The following ZFAT variants were observed in gnomAD, a reference collection of about 807,000 sequenced individuals.
The protein encoded by ZFAT is zinc finger protein ZFAT.
ZFAT carries 64 observed loss-of-function variants against 117.7 expected under a neutral mutation model. That is an observed-to-expected ratio of 0.54 (90% confidence interval 0.44 to 0.67). The LOEUF (loss-of-function observed/expected upper bound fraction) is 0.67, where lower values mean the gene tolerates loss of function less well. Ranked by LOEUF, ZFAT falls within the 30% of genes least tolerant of loss-of-function variation. The probability of loss-of-function intolerance (pLI) is 0.00; values close to 1 mark genes in which losing one functional copy is unlikely to be tolerated. For missense variants in ZFAT, 1,433 were observed against 1,584.5 expected, an observed-to-expected ratio of 0.90 and a Z score of 1.62; for synonymous variants, 679 against 615.0, an observed-to-expected ratio of 1.10 and a Z score of -1.54.
chr8:134,743,812 C>T, the ZFAT span, among the ~76,000 whole-genome samples: 20 of 152,304 alleles, frequency 1.3e-4, 3 homozygotes, highest in Admixed American at 1.1e-3. Flanking sequence ...ACTTATCCAC[C>T]TTTTCCTACT....
chr8:134,628,801 G>A (rs1313224018), intron 3 of ZFAT, among the ~76,000 whole-genome samples: 2 of 152,106 alleles, frequency 1.3e-5, no homozygotes, highest in Non-Finnish European at 1.5e-5. Context: ...CATGAAATGG[G>A]AATAAAAACA....
At chr8:134,725,393 TG>T in the ZFAT span, among the ~76,000 whole-genome samples, 1 of 152,146 alleles carries the variant, frequency 6.6e-6, no homozygotes, top group Non-Finnish European at 1.5e-5. Context: ...GCTCAGCTTC[TG>T]GGGAAGCCTC....
Position 134,657,743 on chromosome 8 carries a change from A to C in ZFAT, c.20-6T>G, listed in dbSNP as rs1477978238. 6.2e-7 allele frequency: 1 copy of C among 1,607,110 alleles called. No homozygotes were observed. The highest frequency in any genetic ancestry group is 1.1e-5 in the South Asian group (1 of 89,710). ...CATAAAGATGGCCGTGTTTTCTGTA[A>C]GGAAAAAAAAGGAAAATATGTTATT... On this transcript the variant is annotated splice_polypyrimidine_tract_variant and splice_region_variant and intron_variant, in intron 1 of 15. Transcript: ENST00000377838.
intron 15 of ZFAT, among the ~76,000 whole-genome samples, chr8:134,494,574 C>A (rs1210995449): frequency 6.6e-6 from 1 of 152,146 alleles, no homozygotes; most frequent in African/African-American, 2.4e-5. Flanking sequence ...CCTGAAGCCT[C>A]CACGGAACCC....
At chr8:134,671,075 G>A (rs6991571) in intron 1 of ZFAT, among the ~76,000 whole-genome samples, 1 of 151,662 alleles carries the variant, frequency 6.6e-6, no homozygotes, top group Non-Finnish European at 1.5e-5. Context: ...TCTCTGAATA[G>A]ACCAATAACA....
chr8:134,554,813 A>G (rs1049050569), intron 11 of ZFAT, among the ~76,000 whole-genome samples: 9 of 152,226 alleles, frequency 5.9e-5, no homozygotes, highest in Non-Finnish European at 1.2e-4. Context: ...GATTTCTGGA[A>G]TCTCACTGGT....
At chr8:134,809,913 T>C in the ZFAT span, among the ~76,000 whole-genome samples, 1 of 152,198 alleles carries the variant, frequency 6.6e-6, no homozygotes, top group Non-Finnish European at 1.5e-5. Context: ...CTCAAAGACC[T>C]AGGTCATAAA....
chr8:134,507,595 G>A (rs1358431791), intron 15 of ZFAT, among the ~76,000 whole-genome samples: 1 of 152,216 alleles, frequency 6.6e-6, no homozygotes, highest in African/African-American at 2.4e-5. Context: ...TTAGCTTGTC[G>A]ACACTGGTCG....
Position 134,602,031 on chromosome 8 carries a change from G to A in ZFAT, c.1688C>T (p.Ala563Val), listed in dbSNP as rs1018076008. 7 of 1,611,998 alleles carry A rather than the reference G, an allele frequency of 4.3e-6. No individual in the cohort carries two copies. The Admixed American group carries it at 5.0e-5, about 12-fold the overall frequency. The change falls in exon 6 of 16, where the codon GCC becomes GTC. Residue 563 changes from alanine (A) to valine (V), a missense_variant. By Grantham distance (64) the Ala-to-Val change is moderately conservative (BLOSUM62 0). Transcript: ENST00000377838. ...GGCTGTGCTTTCGGCCTGCGGGGAGGCCAGGTGCACAGCTGGGGCAGGCAT... is the reference window on the plus strand; with the variant it reads ...GGCTGTGCTTTCGGCCTGCGGGGAGACCAGGTGCACAGCTGGGGCAGGCAT... Reference protein sequence around the residue: ...GEMPAPAVHLASPQAESTALP... With the variant: ...GEMPAPAVHLVSPQAESTALP...
intron 10 of ZFAT, among the ~76,000 whole-genome samples, chr8:134,566,904 A>C (rs1420946952): frequency 2.6e-5 from 4 of 152,152 alleles, no homozygotes; most frequent in Non-Finnish European, 5.9e-5. Context: ...CTCTCTATTC[A>C]TTCTGAGTAC....
chr8:134,561,664 A>G (rs912103955), intron 11 of ZFAT, among the ~76,000 whole-genome samples: 5 of 152,228 alleles, frequency 3.3e-5, no homozygotes, highest in African/African-American at 1.2e-4. Context: ...TAAATTGTAC[A>G]TCTACATCTA....
intron 7 of ZFAT, among the ~76,000 whole-genome samples, chr8:134,590,658 CCAA>C (rs1180512859): frequency 1.3e-5 from 2 of 148,528 alleles, no homozygotes; most frequent in South Asian, 2.2e-4. Flanking sequence ...ACCACCACCA[CCAA>C]CACCACCACA....
chr8:134,499,748 G>A (rs927102466), intron 15 of ZFAT, among the ~76,000 whole-genome samples: 6 of 152,232 alleles, frequency 3.9e-5, no homozygotes, highest in Non-Finnish European at 8.8e-5. Flanking sequence ...GGGGGACTAC[G>A]TTTTGAGTAG....
At chr8:134,736,808 A>C in the ZFAT span, among the ~76,000 whole-genome samples, 2 of 151,866 alleles carry the variant, frequency 1.3e-5, no homozygotes, top group Non-Finnish European at 2.9e-5. Flanking sequence ...CTGGTCTCAA[A>C]CTCCTGGGCT....
the ZFAT span, among the ~76,000 whole-genome samples, chr8:134,775,270 C>A: frequency 6.6e-6 from 1 of 152,182 alleles, no homozygotes; most frequent in Non-Finnish European, 1.5e-5. Context: ...GCCTGATTAT[C>A]TCTGATTGTG....
Position 134,510,463 on chromosome 8 carries a change from C to G in ZFAT, c.3362-714G>C, listed in dbSNP as rs78824392. ...CAGTCTCTGCCAACATTTTCATCCT[C>G]ATGGGCAGCTTTCTGTGGGCCGTGT... On this transcript the variant is annotated intron_variant, in intron 14 of 15. Transcript: ENST00000377838. Among the ~76,000 whole-genome samples, 758 of 152,288 alleles carry G rather than the reference C, an allele frequency of 5.0e-3. 4 individuals are homozygous for G. The highest frequency in any genetic ancestry group is 8.0e-3 in the Non-Finnish European group (542 of 68,018).
chr8:134,499,778 G>A (rs545038126), intron 15 of ZFAT, among the ~76,000 whole-genome samples: 37 of 152,340 alleles, frequency 2.4e-4, no homozygotes, highest in African/African-American at 6.5e-4. Flanking sequence ...AACTGAAGGC[G>A]GTAAGGCCGG....
At chr8:134,578,077 CA>C (rs1825442985) in intron 10 of ZFAT, among the ~76,000 whole-genome samples, 1 of 152,146 alleles carries the variant, frequency 6.6e-6, no homozygotes, top group East Asian at 1.9e-4. Context: ...AGGGCCAAAG[CA>C]AAACCCTTGA....
chr8:134,741,207 C>T, the ZFAT span, among the ~76,000 whole-genome samples: 1 of 152,076 alleles, frequency 6.6e-6, no homozygotes, highest in Non-Finnish European at 1.5e-5. Flanking sequence ...CTCCCCATCT[C>T]GCCCCCACCC....
Sources: allele counts gnomAD v4.1 joint callset (sites outside exome capture counted in the v4.1 genomes callset), GRCh38; gene constraint gnomAD v4.1.1; transcripts MANE v1.5; gene names NCBI Gene and HGNC (gene_info 2026-07-23, HGNC 2026-07-21).